Variants in PFDN1 observed in about 807,000 individuals in gnomAD.
PFDN1 encodes the protein prefoldin subunit 1.
PFDN1 carries 6 observed loss-of-function variants against 17.3 expected under a neutral mutation model. The observed-to-expected ratio is 0.35, with a 90% CI of 0.19 to 0.69. The LOEUF (loss-of-function observed/expected upper bound fraction) is 0.69, where lower values mean the gene tolerates loss of function less well. PFDN1 is among the 30% of genes least tolerant of loss of function. PFDN1 has a pLI of 0.65. For synonymous variants in PFDN1, 58 were observed against 50.1 expected, an observed-to-expected ratio of 1.16 and a Z score of -0.67; for missense variants, 113 against 146.2, an observed-to-expected ratio of 0.77 and a Z score of 1.17.
At chr5:140,297,751 T>C (rs1319277417) in intron 2 of PFDN1, among the ~76,000 whole-genome samples, 1 of 152,206 alleles carries the variant, frequency 6.6e-6, no homozygotes, top group Non-Finnish European at 1.5e-5. Context: ...TTGGAAAATA[T>C]GTACAAAAAA....
intron 2 of PFDN1, among the ~76,000 whole-genome samples, chr5:140,289,877 C>G (rs1300160362): frequency 6.6e-6 from 1 of 152,178 alleles, no homozygotes; most frequent in Non-Finnish European, 1.5e-5. Context: ...TAATTTATCA[C>G]TTTCTCTCAT....
intron 2 of PFDN1, among the ~76,000 whole-genome samples, chr5:140,298,313 T>C (rs1218006428): frequency 6.6e-6 from 1 of 152,130 alleles, no homozygotes; most frequent in Non-Finnish European, 1.5e-5. Context: ...TTTACACATG[T>C]TATTCTTTCT....
At chr5:140,263,347 G>T (rs902274431) in intron 3 of PFDN1, among the ~76,000 whole-genome samples, 7 of 152,022 alleles carry the variant, frequency 4.6e-5, no homozygotes, top group African/African-American at 1.7e-4. Flanking sequence ...CCTAAATCTG[G>T]ATCAATATTA....
In PFDN1 at chr5:140,245,745, A is replaced by G; in HGVS notation, c.*229T>C. 1.6e-6 allele frequency: 1 copy of G among 610,986 alleles called. No homozygotes were observed. Among genetic ancestry groups the G allele is most frequent in the Non-Finnish European group, 2.9e-6 (1 of 343,644 alleles). 37.8% of individuals were successfully genotyped at this position (610,986 alleles called of 1,614,324 possible). A position where few individuals can be genotyped will look rare whatever the true frequency, so the allele number is the denominator to read the frequency against. On this transcript the variant is annotated 3_prime_UTR_variant, in exon 4 of 4. Transcript: ENST00000261813. ...CTTCCCTCTCCTGGGAGTTCATCAC[A>G]CATCCCGAGAGGGAAGAGTGTCCTG...
At chr5:140,279,258 C>A (rs917423094) in intron 3 of PFDN1, among the ~76,000 whole-genome samples, 1 of 152,158 alleles carries the variant, frequency 6.6e-6, no homozygotes. Flanking sequence ...ATTGTTTAAT[C>A]ATTTGTTTTA....
rs1406115505 is a variant in PFDN1 at position 140,254,889 on chromosome 5, C to T, written c.286-8832G>A. 6.6e-6 allele frequency among the ~76,000 whole-genome samples: 1 copy of T among 152,166 alleles called. No individual in the cohort carries two copies. The highest frequency in any genetic ancestry group is 1.5e-5 in the Non-Finnish European group (1 of 68,032). On this transcript the variant is annotated intron_variant, in intron 3 of 3. Coordinates refer to ENST00000261813, the MANE Select transcript of PFDN1 (RefSeq NM_002622.5). The surrounding 1 kb of genome is among the most constrained non-coding windows in gnomAD (Gnocchi z 4.4). ...TATATTTATTCTCCTTATATTTACC[C>T]TTTCACCTATGTCCCTCTCTCCCTC...
intron 3 of PFDN1, among the ~76,000 whole-genome samples, chr5:140,273,578 AT>A (rs1035115029): frequency 1.3e-5 from 2 of 151,900 alleles, no homozygotes; most frequent in African/African-American, 4.8e-5. Flanking sequence ...CATTCTTCCT[AT>A]TTATTTCAGG....
intron 3 of PFDN1, among the ~76,000 whole-genome samples, chr5:140,269,535 T>G (rs546664928): frequency 6.6e-6 from 1 of 152,352 alleles, no homozygotes; most frequent in African/African-American, 2.4e-5. Flanking sequence ...GTCAGGCTGG[T>G]CTCGAACTCC....
intron 3 of PFDN1, among the ~76,000 whole-genome samples, chr5:140,250,505 C>G (rs545279263): frequency 1.5e-4 from 23 of 152,326 alleles, no homozygotes; most frequent in Middle Eastern, 3.4e-3. Flanking sequence ...TGACTCTTCT[C>G]CAGAGCTCTT....
At chr5:140,275,626 A>G (rs1256856469) in intron 3 of PFDN1, among the ~76,000 whole-genome samples, 2 of 152,156 alleles carry the variant, frequency 1.3e-5, no homozygotes, top group African/African-American at 4.8e-5. Flanking sequence ...ACTCATAAAT[A>G]AGATCAGAAA....
chr5:140,247,559 TTC>T (rs1764847931), intron 3 of PFDN1, among the ~76,000 whole-genome samples: 1 of 152,208 alleles, frequency 6.6e-6, no homozygotes, highest in African/African-American at 2.4e-5. Flanking sequence ...TGCTTCAAAT[TTC>T]CTTAAGGCTA....
chr5:140,297,021 T>C (rs1020202430), intron 2 of PFDN1, among the ~76,000 whole-genome samples: 3 of 152,112 alleles, frequency 2.0e-5, no homozygotes, highest in Non-Finnish European at 4.4e-5. Context: ...TGATTAATTC[T>C]GAAAGATATG....
chr5:140,280,014 C>CCA (rs1335205089), intron 3 of PFDN1, among the ~76,000 whole-genome samples: 8 of 99,088 alleles, frequency 8.1e-5, no homozygotes, highest in Admixed American at 3.2e-4. Context: ...AAAAAAAAAA[C>CCA]AAAAAAAGAA....
In PFDN1 at chr5:140,262,131, G is replaced by C. The variant is rs530753514; in HGVS notation, c.286-16074C>G. On this transcript the variant is annotated intron_variant, in intron 3 of 3. Transcript: ENST00000261813. ...TTCTCTTTGCAAACATGACTCAAAG[G>C]GTGGTTTTCCTTTTGCCCTTGCTTC... 2.0e-5 allele frequency among the ~76,000 whole-genome samples: 3 copies of C among 152,120 alleles called. No individual in the cohort carries two copies. In the East Asian group the frequency reaches 5.8e-4, roughly 29 times the overall value.
chr5:140,288,368 T>C (rs1459148300), intron 2 of PFDN1, among the ~76,000 whole-genome samples: 4 of 151,876 alleles, frequency 2.6e-5, no homozygotes, highest in South Asian at 4.2e-4. Flanking sequence ...CAAAACTATA[T>C]ATAGAAACAG....
At chr5:140,283,417 TAG>T (rs1432080370) in intron 2 of PFDN1, among the ~76,000 whole-genome samples, 1 of 152,132 alleles carries the variant, frequency 6.6e-6, no homozygotes, top group Non-Finnish European at 1.5e-5. Context: ...TATTTTTTAG[TAG>T]AGACAGGGTT....
intron 2 of PFDN1, among the ~76,000 whole-genome samples, chr5:140,289,400 CA>C (rs1765546934): frequency 1.3e-5 from 2 of 152,306 alleles, no homozygotes; most frequent in South Asian, 4.1e-4. Context: ...CATACCTAGA[CA>C]AAAGCAATCT....
intron 3 of PFDN1, among the ~76,000 whole-genome samples, chr5:140,279,590 T>C (rs1765359013): frequency 1.3e-5 from 2 of 152,026 alleles, no homozygotes; most frequent in Admixed American, 6.6e-5. Context: ...CAGCCTCCCG[T>C]AGCTGGGACT....
chr5:140,269,411 C>T (rs1395572917), intron 3 of PFDN1, among the ~76,000 whole-genome samples: 7 of 151,796 alleles, frequency 4.6e-5, no homozygotes, highest in South Asian at 2.1e-4. Context: ...CTCCATCTCC[C>T]GGGTTCAAGC....
Sources: gnomAD v4.1 joint callset for allele counts (sites outside exome capture counted in the v4.1 genomes callset) on GRCh38, gnomAD v4.1.1 for gene constraint, Gnocchi (gnomAD v3.1) non-coding constraint, MANE v1.5 for transcripts, NCBI Gene and HGNC (gene_info 2026-07-23, HGNC 2026-07-21) for gene names.